The following ADGRL4 variants were observed in gnomAD, a reference collection of about 807,000 sequenced individuals.
The protein encoded by ADGRL4 is adhesion G protein-coupled receptor L4.
ADGRL4 carries 90 observed loss-of-function variants against 74.8 expected under a neutral mutation model. The observed-to-expected ratio is 1.20, with a 90% CI of 1.02 to 1.43. ADGRL4 has a LOEUF of 1.43. ADGRL4 is among the 40% of genes most tolerant of loss of function. The pLI is 0.00. For synonymous variants in ADGRL4, 311 were observed against 279.2 expected (o/e 1.11, Z -1.14); for missense variants, 881 against 814.3 (o/e 1.08, Z -1.00).
In ADGRL4 at chr1:78,926,973, T is replaced by C; in HGVS notation, c.996A>G (p.Ile332Met). 6.2e-7 allele frequency: 1 copy of C among 1,611,932 alleles called. No individual in the cohort carries two copies. Among genetic ancestry groups the C allele is most frequent in the Non-Finnish European group, 8.5e-7 (1 of 1,178,566 alleles). Residue 332 changes from isoleucine (I) to methionine (M), a missense_variant, in exon 8 of 15, where the codon ATA (isoleucine) becomes ATG (methionine). Coordinates refer to ENST00000370742, the MANE Select transcript of ADGRL4 (RefSeq NM_022159.4). ...TCATTGAGACTGAAATTACTGAAGA[T>C]ATGACTCTTTCCTCCTCTTCAGAAT... The part of the protein sequence containing the change: ...YDNSEEEERV[I>M]SSVISVSMSS...
chr1:78,934,391 C>T (rs1649310490), intron 7 of ADGRL4, among the ~76,000 whole-genome samples: 1 of 152,066 alleles, frequency 6.6e-6, no homozygotes, highest in Non-Finnish European at 1.5e-5. Context: ...ACACCACAGA[C>T]AAAAATTAAC....
intron 2 of ADGRL4, among the ~76,000 whole-genome samples, chr1:78,953,265 C>T (rs1649767049): frequency 6.6e-6 from 1 of 152,086 alleles, no homozygotes; most frequent in African/African-American, 2.4e-5. Flanking sequence ...ATGAGTAATG[C>T]TCTTACAGTA....
intron 2 of ADGRL4, among the ~76,000 whole-genome samples, chr1:78,990,867 A>G (rs769639851): frequency 6.6e-6 from 1 of 152,004 alleles, no homozygotes; most frequent in Non-Finnish European, 1.5e-5. Context: ...TTCAGAACTT[A>G]TCCTCCATAC....
intron 2 of ADGRL4, among the ~76,000 whole-genome samples, chr1:78,963,710 T>G (rs1300788391): frequency 5.9e-5 from 9 of 152,184 alleles, no homozygotes. Context: ...ACATGATTTC[T>G]TCATAAAATG....
chr1:78,914,366 A>G (rs758294592), intron 12 of ADGRL4, among the ~76,000 whole-genome samples: 11 of 151,650 alleles, frequency 7.3e-5, no homozygotes, highest in Non-Finnish European at 1.0e-4. Context: ...TATTTCTTAT[A>G]TTTTCTTTGT....
At chr1:78,893,561 C>G (rs901649631) in intron 12 of ADGRL4, among the ~76,000 whole-genome samples, 1 of 151,418 alleles carries the variant, frequency 6.6e-6, no homozygotes, top group Non-Finnish European at 1.5e-5. Context: ...TTCCGTGAAC[C>G]CTTTAAAAAT....
At chr1:78,980,597 T>A (rs1650378700) in intron 2 of ADGRL4, among the ~76,000 whole-genome samples, 1 of 151,898 alleles carries the variant, frequency 6.6e-6, no homozygotes, top group African/African-American at 2.4e-5. Flanking sequence ...AGCCAGAAAA[T>A]TTAGAAGAAA....
At position 78,946,362 on chromosome 1, in the gene ADGRL4, T is replaced by C; in HGVS notation, c.237A>G (p.Glu79=). The C allele has an allele frequency of 6.2e-7, 1 of 1,613,296 alleles. No individual in the cohort carries two copies. The highest frequency in any genetic ancestry group is 8.5e-7 in the Non-Finnish European group (1 of 1,179,546). The change falls in exon 3 of 15, where the codon GAA becomes GAG. Residue 79 remains glutamate (E), a synonymous_variant. Transcript: ENST00000370742. ...GTACACACATACAATAATAACTTCC[T>C]TCTGTGTTAGTGCAATTAGCATTTT... ...CGENANCTNT[E]GSYYCMCVPG... is the part of the protein sequence containing the mutation.
chr1:78,935,407 G>A (rs1557503541), intron 7 of ADGRL4, among the ~76,000 whole-genome samples: 1 of 152,016 alleles, frequency 6.6e-6, no homozygotes, highest in Non-Finnish European at 1.5e-5. Flanking sequence ...CTGCTGGGGA[G>A]TGGGGAAAGA....
intron 2 of ADGRL4, among the ~76,000 whole-genome samples, chr1:79,000,877 G>A: frequency 6.6e-6 from 1 of 152,016 alleles, no homozygotes; most frequent in East Asian, 1.9e-4. Flanking sequence ...CTCTCCAGTA[G>A]CACATCTGAG....
intron 2 of ADGRL4, among the ~76,000 whole-genome samples, chr1:78,987,724 G>T (rs971332523): frequency 6.6e-6 from 1 of 151,704 alleles, no homozygotes; most frequent in East Asian, 1.9e-4. Context: ...TATATGGAGA[G>T]TTTCTTTGCT....
chr1:78,969,198 G>A (rs1440995797), intron 2 of ADGRL4, among the ~76,000 whole-genome samples: 1 of 152,170 alleles, frequency 6.6e-6, no homozygotes, highest in African/African-American at 2.4e-5. Context: ...CTATCTGTGA[G>A]TATTCTTAAC....
chr1:78,920,454 A>G (rs41312732), intron 9 of ADGRL4, 68 bp from the exon 10 acceptor site: 55,350 of 882,336 alleles, frequency 0.063, 2,001 homozygotes, highest in African/African-American at 0.082. Context: ...ACTACAACAT[A>G]TAATGAACTT....
chr1:78,958,065 G>C (rs925308949), intron 2 of ADGRL4, among the ~76,000 whole-genome samples: 12 of 152,058 alleles, frequency 7.9e-5, no homozygotes, highest in African/African-American at 2.9e-4. Context: ...ATGGTTTACC[G>C]AATACGTTAA....
intron 2 of ADGRL4, among the ~76,000 whole-genome samples, chr1:78,971,921 A>C (rs1305432296): frequency 6.6e-6 from 1 of 152,032 alleles, no homozygotes; most frequent in Non-Finnish European, 1.5e-5. Context: ...ATGCCCAGCT[A>C]ATTTTTTGTA....
intron 7 of ADGRL4, among the ~76,000 whole-genome samples, chr1:78,932,936 C>T (rs1021145487): frequency 6.6e-6 from 1 of 151,306 alleles, no homozygotes; most frequent in Non-Finnish European, 1.5e-5. Context: ...TAATTAGTAA[C>T]CTCCCAAACA....
rs772825902 is a variant in ADGRL4, at chr1:78,921,674, G to A, written c.1196C>T (p.Thr399Ile). ...TGTCAGGTGATTACAGCGGCATGAG[G>A]TGTGGGTCTCATTTGAGTATGTCAG... ...CELTYSNETHTSCRCNHLTHF... is the reference protein window; with the variant it reads ...CELTYSNETHISCRCNHLTHF... The change falls in exon 9 of 15, where the codon ACC becomes ATC. Residue 399 changes from threonine to isoleucine, a missense_variant. Coordinates refer to ENST00000370742, the MANE Select transcript of ADGRL4 (RefSeq NM_022159.4). 3.1e-6 allele frequency: 5 copies of A among 1,602,824 alleles called. No homozygotes were observed. The highest frequency in any genetic ancestry group is 2.3e-5 in the East Asian group (1 of 43,840).
chr1:78,949,778 T>A (rs1649684613), intron 2 of ADGRL4, among the ~76,000 whole-genome samples: 1 of 152,166 alleles, frequency 6.6e-6, no homozygotes. Flanking sequence ...CTCTATAATT[T>A]TGGTAGATTG....
At chr1:78,933,661 G>C (rs1649293337) in intron 7 of ADGRL4, among the ~76,000 whole-genome samples, 1 of 151,392 alleles carries the variant, frequency 6.6e-6, no homozygotes, top group African/African-American at 2.5e-5. Flanking sequence ...CAGATGACAT[G>C]TTTGTTTATT....
Sources: gnomAD v4.1 joint callset for allele counts (sites outside exome capture counted in the v4.1 genomes callset) on GRCh38, gnomAD v4.1.1 for gene constraint, MANE v1.5 for transcripts, NCBI Gene and HGNC (gene_info 2026-07-23, HGNC 2026-07-21) for gene names.